IRAG1: variants seen among roughly 807,000 people sequenced by gnomAD.
IRAG1 encodes IP3R-associated cGMP kinase substrate.
A neutral mutation model predicts 106.2 loss-of-function variants in IRAG1; 62 were observed. That is an observed-to-expected ratio of 0.58 (90% CI 0.48 to 0.72). The LOEUF (loss-of-function observed/expected upper bound fraction) is 0.72. IRAG1 is among the 30% of genes least tolerant of loss of function. The probability of loss-of-function intolerance (pLI) is 0.00; values close to 1 mark genes in which losing one functional copy is unlikely to be tolerated. For missense variants in IRAG1, 1,064 were observed against 1,140.7 expected, an observed-to-expected ratio of 0.93 and a Z score of 0.97; for synonymous variants, 462 against 443.9, an observed-to-expected ratio of 1.04 and a Z score of -0.51.
intron 10 of IRAG1, among the ~76,000 whole-genome samples, chr11:10,622,132 T>C (rs527411763): frequency 6.6e-6 from 1 of 152,172 alleles, no homozygotes; most frequent in Non-Finnish European, 1.5e-5. Flanking sequence ...CAATAAAAAA[T>C]AGTCCCCCAC....
At chr11:10,606,843 A>G in intron 11 of IRAG1, 71 bp from the exon 12 acceptor site, 1 of 1,407,970 alleles carries the variant, frequency 7.1e-7, no homozygotes, top group Non-Finnish European at 9.6e-7. Flanking sequence ...ACTCTGAATG[A>G]CCAGCAGACC....
intron 18 of IRAG1, 107 bp from the exon 19 acceptor site, chr11:10,582,093 G>T: frequency 1.5e-6 from 2 of 1,349,052 alleles, no homozygotes; most frequent in Non-Finnish European, 9.9e-7. Flanking sequence ...GGAAACTCAG[G>T]CTTTTTCAGT....
Position 10,664,699 on chromosome 11 carries a change from G to A in IRAG1, c.68-12517C>T, listed in dbSNP as rs569801144. Among the ~76,000 whole-genome samples the A allele has an allele frequency of 3.3e-5, 5 of 152,352 alleles. No individual in the cohort carries two copies. The East Asian group carries it at 9.6e-4, about 29-fold the overall frequency. On this transcript the variant is annotated intron_variant, in intron 1 of 20. Transcript: ENST00000423302. ...ATCCCCCTGATCACAGTGATTGGCT[G>A]GAGGGTGAGCATGTGAGCTGACAAG...
At chr11:10,622,965 T>C (rs1263982283) in intron 10 of IRAG1, among the ~76,000 whole-genome samples, 4 of 151,624 alleles carry the variant, frequency 2.6e-5, no homozygotes, top group Non-Finnish European at 5.9e-5. Context: ...ACCTGTCATG[T>C]ACCAGGTATT....
intron 18 of IRAG1, among the ~76,000 whole-genome samples, chr11:10,590,494 C>T (rs946767336): frequency 3.9e-5 from 6 of 152,076 alleles, no homozygotes; most frequent in Non-Finnish European, 7.3e-5. Flanking sequence ...ATACAGGTTC[C>T]CTGCCAGATA....
intron 2 of IRAG1, among the ~76,000 whole-genome samples, chr11:10,642,128 T>C (rs1857559886): frequency 6.6e-6 from 1 of 152,190 alleles, no homozygotes; most frequent in Admixed American, 6.5e-5. Context: ...CTCACTGCCC[T>C]TCTCACTCCT....
rs186610435 is a variant in IRAG1, at chr11:10,681,681, G to A, written c.67+11855C>T. Among the ~76,000 whole-genome samples, 12 of 152,296 alleles carry A rather than the reference G, an allele frequency of 7.9e-5. No individual in the cohort carries two copies. The East Asian group carries it at 1.9e-3, about 25-fold the overall frequency. ...AAGAGCACAACATGAGTTGAAGGCA[G>A]AACCAGGCCTACAACTCAGGACCAC... On this transcript the variant is annotated intron_variant, in intron 1 of 20. Transcript: ENST00000423302.
chr11:10,635,248 A>C (rs879924421), intron 2 of IRAG1, among the ~76,000 whole-genome samples: 1 of 152,176 alleles, frequency 6.6e-6, no homozygotes, highest in African/African-American at 2.4e-5. Flanking sequence ...TCAACTTAAG[A>C]GGGTGCCTGT....
At chr11:10,624,332 C>T (rs117997377) in intron 9 of IRAG1, among the ~76,000 whole-genome samples, 4,702 of 152,146 alleles carry the variant, frequency 0.031, 115 homozygotes, top group South Asian at 0.056. Context: ...CCAGGAGCTG[C>T]GATTGCCCCA....
At chr11:10,614,838 TA>T (rs1228834486) in intron 10 of IRAG1, among the ~76,000 whole-genome samples, 5 of 152,192 alleles carry the variant, frequency 3.3e-5, no homozygotes, top group African/African-American at 1.2e-4. Flanking sequence ...CTAAAAACCC[TA>T]GAAGAAAACC....
intron 1 of IRAG1, among the ~76,000 whole-genome samples, chr11:10,653,252 G>A (rs930381041): frequency 3.9e-5 from 6 of 152,194 alleles, no homozygotes; most frequent in African/African-American, 1.2e-4. Flanking sequence ...AGGGCAGAGC[G>A]AAGGGACCTG....
Position 10,647,606 on chromosome 11 carries a change from T to C in IRAG1, c.225+4419A>G, listed in dbSNP as rs1034322624. The stretch of plus-strand genomic sequence containing the variant: ...AGGTGGAAGCTAGAGCCGGTGAAAA[T>C]TGGGCTCTTACAGCTAACATGAGCC... On this transcript the variant is annotated intron_variant, in intron 2 of 20. Transcript: ENST00000423302. This position sits in a 1 kb window ranked among gnomAD's most constrained non-coding sequence, Gnocchi z 4.3. Among the ~76,000 whole-genome samples the C allele has an allele frequency of 5.3e-5, 8 of 152,008 alleles. No homozygotes were observed. The highest frequency in any genetic ancestry group is 1.9e-4 in the East Asian group (1 of 5,180).
chr11:10,600,370 C>G (rs1249364144), intron 15 of IRAG1, among the ~76,000 whole-genome samples: 1 of 152,214 alleles, frequency 6.6e-6, no homozygotes, highest in Non-Finnish European at 1.5e-5. Context: ...AGGTTTCACC[C>G]CTCACCTGGA....
intron 1 of IRAG1, among the ~76,000 whole-genome samples, chr11:10,680,540 G>GAAGGAAGAAAGGAAGGAA (rs149163071): frequency 8.2e-5 from 7 of 85,726 alleles, no homozygotes; most frequent in South Asian, 3.9e-4. Context: ...AGGAAGGAAG[G>GAAGGAAGAAAGGAAGGAA]GGAAGGGGAA....
Position 10,634,006 on chromosome 11 carries a change from A to C in IRAG1, c.291T>G (p.Thr97=). The change falls in exon 3 of 21, where the codon ACT becomes ACG. Residue 97 remains threonine (T), a synonymous_variant. Transcript: ENST00000423302. ...TPTIVLTGDA[T]SPEGETDKNL... ...TTTTGTCGGTTTCTCCTTCTGGTGA[A>C]GTGGCATCCCCAGTCAGGACAATCG... The C allele has an allele frequency of 1.2e-6, 2 of 1,612,746 alleles. No homozygotes were observed. Among genetic ancestry groups the C allele is most frequent in the Non-Finnish European group, 1.7e-6 (2 of 1,179,180 alleles).
In IRAG1 at chr11:10,628,849, T is replaced by G; in HGVS notation, c.575-21A>C. On this transcript the variant is annotated intron_variant, in intron 5 of 20. Coordinates refer to ENST00000423302, the MANE Select transcript of IRAG1 (RefSeq NM_130385.4). This position sits in a 1 kb window ranked among gnomAD's most constrained non-coding sequence, Gnocchi z 4.1. ...AACAGCTGTGAAGACAGACACAAAT[T>G]GGCTGGCATTCATGAAGGTTTAGGA... 1 of 1,565,166 alleles carries G rather than the reference T, an allele frequency of 6.4e-7. No individual in the cohort carries two copies. Among genetic ancestry groups the G allele is most frequent in the Non-Finnish European group, 8.6e-7 (1 of 1,156,162 alleles).
In IRAG1 at chr11:10,577,349, T is replaced by C. The variant is rs550788922; in HGVS notation, c.2496-774A>G. Among the ~76,000 whole-genome samples, 4 of 152,262 alleles carry C rather than the reference T, an allele frequency of 2.6e-5. No individual in the cohort carries two copies. In the East Asian group the frequency reaches 5.8e-4, roughly 22 times the overall value. On this transcript the variant is annotated intron_variant, in intron 20 of 20. Coordinates refer to ENST00000423302, the MANE Select transcript of IRAG1 (RefSeq NM_130385.4). The stretch of plus-strand genomic sequence containing the variant: ...CTCTCTTCCTCTCCATTTTTGCCCC[T>C]TTTCCCTCTTGATTCCTTCCCAACT...
At chr11:10,604,743 GC>G (rs1854335373) in intron 12 of IRAG1, among the ~76,000 whole-genome samples, 198 bp from the exon 13 acceptor site, 1 of 152,218 alleles carries the variant, frequency 6.6e-6, no homozygotes, top group African/African-American at 2.4e-5. Context: ...CAAGGTCCAC[GC>G]TAGGCCCTTC....
At chr11:10,599,842 A>C (rs1441317232) in intron 15 of IRAG1, 6 of 152,130 alleles carry the variant, frequency 3.9e-5, no homozygotes, top group African/African-American at 1.4e-4. Flanking sequence ...GTCTCTCTTT[A>C]CCTCAGCTTT....
Sources: gnomAD v4.1 joint callset for allele counts (sites outside exome capture counted in the v4.1 genomes callset) on GRCh38, gnomAD v4.1.1 for gene constraint, Gnocchi (gnomAD v3.1) non-coding constraint, MANE v1.5 for transcripts, NCBI Gene and HGNC (gene_info 2026-07-23, HGNC 2026-07-21) for gene names.